IFT88: variants seen among roughly 807,000 people sequenced by gnomAD.
IFT88 encodes the protein intraflagellar transport protein 88 homolog.
A neutral mutation model predicts 119.5 loss-of-function variants in IFT88; 74 were observed. The observed-to-expected ratio is 0.62, with a 90% CI of 0.51 to 0.75. IFT88 has a LOEUF of 0.75. IFT88 is among the 30% of genes least tolerant of loss of function. IFT88 has a pLI of 0.00. For synonymous variants in IFT88, 279 were observed against 316.7 expected (o/e 0.88, Z 1.26); for missense variants, 961 against 977.7 (o/e 0.98, Z 0.23).
intron 17 of IFT88, among the ~76,000 whole-genome samples, chr13:20,639,714 G>C (rs1278010822): frequency 6.7e-6 from 1 of 149,756 alleles, no homozygotes; most frequent in Non-Finnish European, 1.5e-5. Flanking sequence ...TTTCCCAATT[G>C]CTTCTATTTT....
intron 22 of IFT88, among the ~76,000 whole-genome samples, chr13:20,660,546 T>C (rs1288056164): frequency 6.6e-6 from 1 of 152,118 alleles, no homozygotes; most frequent in Admixed American, 6.5e-5. Flanking sequence ...TAAGCTGGAG[T>C]GGGCAGTACC....
intron 23 of IFT88, among the ~76,000 whole-genome samples, chr13:20,669,679 C>T (rs1443783206): frequency 6.6e-6 from 1 of 152,134 alleles, no homozygotes; most frequent in East Asian, 1.9e-4. Flanking sequence ...CCGCCTCGGC[C>T]TCCCAAAGTG....
chr13:20,591,062 G>A (rs2040582497), intron 5 of IFT88, 42 bp downstream of exon 5: 2 of 1,438,810 alleles, frequency 1.4e-6, no homozygotes, highest in Non-Finnish European at 1.9e-6. Flanking sequence ...CCTTTCTTGT[G>A]ACTTGGAATT....
intron 12 of IFT88, among the ~76,000 whole-genome samples, chr13:20,602,562 C>T (rs1381794807): frequency 2.0e-5 from 3 of 152,088 alleles, no homozygotes; most frequent in Non-Finnish European, 4.4e-5. Flanking sequence ...CATTGTGGAG[C>T]AGAGGGAACC....
At chr13:20,679,267 T>C (rs977327341) in intron 24 of IFT88, among the ~76,000 whole-genome samples, 1 of 152,242 alleles carries the variant, frequency 6.6e-6, no homozygotes, top group Non-Finnish European at 1.5e-5. Flanking sequence ...GTTTCTGGTC[T>C]ATATTAGTTT....
Position 20,641,373 on chromosome 13 carries a change from G to C in IFT88, c.1657G>C (p.Glu553Gln), listed in dbSNP as rs777984685. 1.7e-5 allele frequency: 27 copies of C among 1,609,992 alleles called. No homozygotes were observed. Among genetic ancestry groups the C allele is most frequent in the Non-Finnish European group, 1.9e-5 (22 of 1,177,202 alleles). Reference protein sequence around the residue: ...KLHAILRNSAEVLYQIANIYE... With the variant: ...KLHAILRNSAQVLYQIANIYE... Reference sequence around the variant, plus strand: ...TCACGCAATCCTACGAAACAGTGCCGAAGTTCTTTACCAGATAGCAAATAT... The same window carrying C: ...TCACGCAATCCTACGAAACAGTGCCCAAGTTCTTTACCAGATAGCAAATAT... Residue 553 changes from glutamate (E) to glutamine (Q), a missense_variant, in exon 18 of 26, where the codon GAA becomes CAA. Transcript: ENST00000351808.
At chr13:20,656,981 C>T (rs1361198914) in intron 22 of IFT88, among the ~76,000 whole-genome samples, 5 of 152,166 alleles carry the variant, frequency 3.3e-5, no homozygotes, top group Non-Finnish European at 7.3e-5. Context: ...GCCTCAGCCT[C>T]CCTAGTAGCT....
intron 3 of IFT88, among the ~76,000 whole-genome samples, chr13:20,588,298 G>T (rs897567509): frequency 6.6e-6 from 1 of 151,440 alleles, no homozygotes; most frequent in African/African-American, 2.4e-5. Context: ...TTCATTTTCC[G>T]TTGCTATTAC....
intron 2 of IFT88, among the ~76,000 whole-genome samples, chr13:20,574,908 A>G (rs149556034): frequency 9.8e-5 from 15 of 152,342 alleles, no homozygotes; most frequent in Admixed American, 3.3e-4. Context: ...TAATAATCAC[A>G]TAAGGGTAAA....
At chr13:20,682,701 C>T (rs937416803) in intron 24 of IFT88, among the ~76,000 whole-genome samples, 8 of 152,094 alleles carry the variant, frequency 5.3e-5, no homozygotes, top group East Asian at 1.9e-4. Context: ...TTTCCCAAGT[C>T]GGGGCAGCAC....
At chr13:20,590,419 G>C (rs1342151266) in intron 4 of IFT88, among the ~76,000 whole-genome samples, 1 of 152,110 alleles carries the variant, frequency 6.6e-6, no homozygotes, top group Non-Finnish European at 1.5e-5. Context: ...GAATTAGGTG[G>C]AATAGCTTTT....
chr13:20,620,916 G>A (rs1164249382), intron 14 of IFT88, among the ~76,000 whole-genome samples: 1 of 152,204 alleles, frequency 6.6e-6, no homozygotes, highest in East Asian at 1.9e-4. Flanking sequence ...TGAGGACACA[G>A]CAAAAAGACA....
chr13:20,578,201 C>T (rs780500197), intron 2 of IFT88, among the ~76,000 whole-genome samples: 66 of 151,090 alleles, frequency 4.4e-4, no homozygotes, highest in Admixed American at 1.5e-3. Flanking sequence ...CCTGCCACCA[C>T]GCCTGGCTAA....
In IFT88 at chr13:20,638,496, TACTGAAGCACTTTA is replaced by T; in HGVS notation, c.1552_1565del (p.Thr518Ter). On this transcript the variant is annotated frameshift_variant, in exon 17 of 26. Transcript: ENST00000351808. LOFTEE classifies it high-confidence loss of function. Reference sequence around the variant, plus strand: ...AGGCTCTAAGAAATGATTCTTCTTGTACTGAAGCACTTTATAATATTGGTAAGTGAAACAAGGGG... The same window carrying T: ...AGGCTCTAAGAAATGATTCTTCTTGTTAATATTGGTAAGTGAAACAAGGGG... 1 of 1,491,482 alleles carries T rather than the reference TACTGAAGCACTTTA, an allele frequency of 6.7e-7. No individual in the cohort carries two copies. Among genetic ancestry groups the T allele is most frequent in the Non-Finnish European group, 8.9e-7 (1 of 1,125,122 alleles). 92.4% of individuals were successfully genotyped at this position (1,491,482 alleles called of 1,614,324 possible).
At chr13:20,677,660 T>C (rs944494739) in intron 24 of IFT88, among the ~76,000 whole-genome samples, 2 of 152,194 alleles carry the variant, frequency 1.3e-5, no homozygotes, top group Admixed American at 1.3e-4. Context: ...TGTTTCTAGA[T>C]ATAAACAAAT....
chr13:20,571,919 T>C (rs911506279), intron 1 of IFT88, among the ~76,000 whole-genome samples: 5 of 152,220 alleles, frequency 3.3e-5, no homozygotes, highest in African/African-American at 1.2e-4. Flanking sequence ...TTATGTGTCC[T>C]GAGTGCCTCC....
At chr13:20,677,861 A>G (rs989591402) in intron 24 of IFT88, among the ~76,000 whole-genome samples, 1 of 152,242 alleles carries the variant, frequency 6.6e-6, no homozygotes, top group African/African-American at 2.4e-5. Context: ...TTGAAAAAGT[A>G]AGAACCACTA....
At chr13:20,655,713 C>T (rs929946629) in intron 21 of IFT88, among the ~76,000 whole-genome samples, 10 of 151,998 alleles carry the variant, frequency 6.6e-5, no homozygotes, top group African/African-American at 2.4e-4. Flanking sequence ...AGGCTGGTCT[C>T]AAACTCCTGG....
At chr13:20,666,795 T>A (rs1030294704) in intron 23 of IFT88, among the ~76,000 whole-genome samples, 1 of 152,188 alleles carries the variant, frequency 6.6e-6, no homozygotes, top group African/African-American at 2.4e-5. Flanking sequence ...TTGTAAATAA[T>A]TTTTAATCCA....
Sources: allele counts gnomAD v4.1 joint callset (sites outside exome capture counted in the v4.1 genomes callset), GRCh38; gene constraint gnomAD v4.1.1; transcripts MANE v1.5; gene names NCBI Gene and HGNC (gene_info 2026-07-23, HGNC 2026-07-21).